Variants in PEBP4 observed in about 807,000 individuals in gnomAD.
PEBP4 encodes phosphatidylethanolamine binding protein 4.
PEBP4 carries 22 observed loss-of-function variants against 23.9 expected under a neutral mutation model. That is an observed-to-expected ratio of 0.92 (90% CI 0.66 to 1.31). The LOEUF is 1.31. Among genes scored for constraint, PEBP4 ranks in the 40% most tolerant of loss-of-function variants. The probability of loss-of-function intolerance (pLI) is 0.00; values close to 1 mark genes in which losing one functional copy is unlikely to be tolerated. For synonymous variants in PEBP4, 112 were observed against 99.3 expected, an observed-to-expected ratio of 1.13 and a Z score of -0.76; for missense variants, 324 against 281.7, an observed-to-expected ratio of 1.15 and a Z score of -1.07.
intron 3 of PEBP4, among the ~76,000 whole-genome samples, chr8:22,891,302 A>G (rs2128774736): frequency 6.6e-6 from 1 of 152,354 alleles, no homozygotes; most frequent in East Asian, 1.9e-4. Flanking sequence ...TGGCTCACAC[A>G]TAGGAAGATG....
chr8:22,750,417 G>A (rs1805230553), intron 4 of PEBP4, among the ~76,000 whole-genome samples: 1 of 152,198 alleles, frequency 6.6e-6, no homozygotes, highest in African/African-American at 2.4e-5. Context: ...GATTCTTTAT[G>A]ATACATTAAT....
chr8:22,817,068 G>A (rs1377003739), intron 4 of PEBP4, among the ~76,000 whole-genome samples: 1 of 152,216 alleles, frequency 6.6e-6, no homozygotes, highest in Non-Finnish European at 1.5e-5. Flanking sequence ...AAGAGGGTGA[G>A]CCAGGCTCCT....
intron 4 of PEBP4, among the ~76,000 whole-genome samples, chr8:22,776,869 G>T: frequency 6.6e-6 from 1 of 151,138 alleles, no homozygotes; most frequent in Non-Finnish European, 1.5e-5. Context: ...GCGGAGCTGG[G>T]AGGTGGTTGG....
At chr8:22,838,001 C>T (rs747999781) in intron 3 of PEBP4, among the ~76,000 whole-genome samples, 1 of 144,250 alleles carries the variant, frequency 6.9e-6, no homozygotes, top group Non-Finnish European at 1.5e-5. Flanking sequence ...TGGGCTCAAG[C>T]AATCTTCCAA....
chr8:22,890,829 T>C (rs575233120), intron 3 of PEBP4, among the ~76,000 whole-genome samples: 1 of 152,166 alleles, frequency 6.6e-6, no homozygotes, highest in African/African-American at 2.4e-5. Context: ...ATCTTCCCCC[T>C]TTTCTTTTTT....
chr8:22,724,532 A>G (rs1407084489), intron 6 of PEBP4, among the ~76,000 whole-genome samples: 1 of 152,218 alleles, frequency 6.6e-6, no homozygotes, highest in Non-Finnish European at 1.5e-5. Context: ...TGCACATGCC[A>G]TGCAAAGTTT....
chr8:22,854,647 ATT>A (rs1424119530), intron 3 of PEBP4, among the ~76,000 whole-genome samples: 1 of 152,102 alleles, frequency 6.6e-6, no homozygotes, highest in East Asian at 1.9e-4. Flanking sequence ...TGATCAAGCG[ATT>A]TGTCAGGATT....
chr8:22,919,319 T>C (rs78090860), intron 3 of PEBP4, among the ~76,000 whole-genome samples: 66 of 152,278 alleles, frequency 4.3e-4, no homozygotes, highest in Middle Eastern at 3.4e-3. Flanking sequence ...GACCCTTCCA[T>C]CTCCAGGCAT....
chr8:22,724,106 T>C (rs1206911232), intron 6 of PEBP4, among the ~76,000 whole-genome samples: 1 of 152,218 alleles, frequency 6.6e-6, no homozygotes, highest in East Asian at 1.9e-4. Flanking sequence ...CAGGGGTGGC[T>C]TTATTTCCCA....
At chr8:22,756,771 T>G (rs1416385234) in intron 4 of PEBP4, among the ~76,000 whole-genome samples, 2 of 152,176 alleles carry the variant, frequency 1.3e-5, no homozygotes, top group Non-Finnish European at 2.9e-5. Context: ...TTGCCAAGGC[T>G]GGGACTGTTG....
In PEBP4 at chr8:22,781,980, C is replaced by A. The variant is rs146327744; in HGVS notation, c.357+35657G>T. Reference sequence around the variant, plus strand: ...GGAACAGGACCTGCTGACCTCAGTTCCCCCTCTTTAATCTCAGCAGCCATG... The same window carrying A: ...GGAACAGGACCTGCTGACCTCAGTTACCCCTCTTTAATCTCAGCAGCCATG... On this transcript the variant is annotated intron_variant, in intron 4 of 6. Coordinates refer to ENST00000256404, the MANE Select transcript of PEBP4 (RefSeq NM_144962.3). Among the ~76,000 whole-genome samples, 989 of 152,326 alleles carry A rather than the reference C, an allele frequency of 6.5e-3. 9 individuals carry two copies. Among genetic ancestry groups the A allele is most frequent in the African/African-American group, 0.021 (856 of 41,570 alleles).
At position 22,805,367 on chromosome 8, in the gene PEBP4, C is replaced by T. The variant is rs149708121; in HGVS notation, c.357+12270G>A. On this transcript the variant is annotated intron_variant, in intron 4 of 6. Coordinates refer to ENST00000256404, the MANE Select transcript of PEBP4 (RefSeq NM_144962.3). Reference sequence around the variant, plus strand: ...TTGAGACCGAGTTTTGCTCTTGTTGCCCAGGCTGGAGTGCGATGGCACGAT... The same window carrying T: ...TTGAGACCGAGTTTTGCTCTTGTTGTCCAGGCTGGAGTGCGATGGCACGAT... Among the ~76,000 whole-genome samples, 1,281 of 152,292 alleles carry T rather than the reference C, an allele frequency of 8.4e-3. 23 individuals carry two copies. The highest frequency in any genetic ancestry group is 0.045 in the East Asian group (232 of 5,178).
chr8:22,752,386 A>C (rs1474155213), intron 4 of PEBP4, among the ~76,000 whole-genome samples: 1 of 152,248 alleles, frequency 6.6e-6, no homozygotes, highest in African/African-American at 2.4e-5. Context: ...ACTTTACCAA[A>C]TAAAGCAAAC....
intron 6 of PEBP4, among the ~76,000 whole-genome samples, chr8:22,718,075 A>G (rs1034970143): frequency 9.2e-5 from 14 of 152,096 alleles, no homozygotes; most frequent in Non-Finnish European, 2.9e-5. Context: ...AGATTTGCTG[A>G]GTGGCTGATA....
intron 3 of PEBP4, among the ~76,000 whole-genome samples, chr8:22,899,119 A>G (rs1357687360): frequency 6.6e-6 from 1 of 152,118 alleles, no homozygotes; most frequent in Non-Finnish European, 1.5e-5. Context: ...AAAATGGGGG[A>G]AGTAGCAGTT....
At chr8:22,898,386 C>CAT (rs1808632809) in intron 3 of PEBP4, among the ~76,000 whole-genome samples, 1 of 46,644 alleles carries the variant, frequency 2.1e-5, no homozygotes. Flanking sequence ...AGGAAGACTC[C>CAT]ACCCCAAAAA....
chr8:22,795,139 G>T (rs1210749927), intron 4 of PEBP4, among the ~76,000 whole-genome samples: 1 of 66,976 alleles, frequency 1.5e-5, no homozygotes, highest in Admixed American at 2.0e-4. Flanking sequence ...ATATATGTGT[G>T]TGTGTATATA....
At chr8:22,786,061 T>C (rs892373600) in intron 4 of PEBP4, among the ~76,000 whole-genome samples, 8 of 152,100 alleles carry the variant, frequency 5.3e-5, no homozygotes, top group Non-Finnish European at 1.2e-4. Context: ...CAGCATGGAG[T>C]AGAAACTGAA....
chr8:22,864,839 C>T (rs1807852763), intron 3 of PEBP4, among the ~76,000 whole-genome samples: 1 of 152,242 alleles, frequency 6.6e-6, no homozygotes. Flanking sequence ...ACGGGGGCCG[C>T]TGGGCACCGC....
Sources: allele counts gnomAD v4.1 joint callset (sites outside exome capture counted in the v4.1 genomes callset), GRCh38; gene constraint gnomAD v4.1.1; transcripts MANE v1.5; gene names NCBI Gene and HGNC (gene_info 2026-07-23, HGNC 2026-07-21).